Variants in AOAH observed in about 807,000 individuals in gnomAD.
The protein encoded by AOAH is acyloxyacyl hydrolase (neutrophil).
A neutral mutation model predicts 92.2 loss-of-function variants in AOAH; 64 were observed. The observed-to-expected ratio is 0.69, with a 90% confidence interval of 0.57 to 0.86. AOAH has a LOEUF of 0.86. Among genes scored for constraint, AOAH ranks in the 40% least tolerant of loss-of-function variants. The probability of loss-of-function intolerance (pLI) is 0.00; values close to 1 mark genes in which losing one functional copy is unlikely to be tolerated. For synonymous variants in AOAH, 263 were observed against 254.5 expected, an observed-to-expected ratio of 1.03 and a Z score of -0.32; for missense variants, 656 against 694.6, an observed-to-expected ratio of 0.94 and a Z score of 0.62.
intron 16 of AOAH, among the ~76,000 whole-genome samples, chr7:36,538,648 G>A (rs1785231246): frequency 6.6e-6 from 1 of 152,192 alleles, no homozygotes; most frequent in African/African-American, 2.4e-5. Context: ...GAAAGAATCA[G>A]TTGAGGGCAG....
intron 1 of AOAH, among the ~76,000 whole-genome samples, chr7:36,716,313 T>C (rs1194040198): frequency 2.6e-5 from 4 of 151,228 alleles, no homozygotes; most frequent in African/African-American, 9.8e-5. Flanking sequence ...CATTAAAAAG[T>C]CAGGAAACAA....
At chr7:36,580,291 T>C (rs1788843644) in intron 12 of AOAH, among the ~76,000 whole-genome samples, 1 of 152,206 alleles carries the variant, frequency 6.6e-6, no homozygotes, top group Non-Finnish European at 1.5e-5. Context: ...TTTTCTCCAT[T>C]TTCTGGATAA....
chr7:36,600,911 C>T (rs1790521858), intron 11 of AOAH, among the ~76,000 whole-genome samples: 1 of 152,174 alleles, frequency 6.6e-6, no homozygotes, highest in Admixed American at 6.5e-5. Context: ...GAGACCGTGT[C>T]TAATTTATGA....
rs1792497212 is a variant in AOAH, at chr7:36,624,531, C to A, written c.522-1281G>T. ...TATATTAGCTTCTATGGCTCTACAG[C>A]CTGTATTCTACTCTATACTTTTGGG... On this transcript the variant is annotated intron_variant, in intron 6 of 20. Transcript: ENST00000617537. Among the ~76,000 whole-genome samples the A allele has an allele frequency of 2.0e-5, 3 of 152,172 alleles. No homozygotes were observed. The South Asian group carries it at 6.2e-4, about 32-fold the overall frequency.
chr7:36,621,059 G>A (rs556272970), intron 8 of AOAH, among the ~76,000 whole-genome samples: 12 of 152,192 alleles, frequency 7.9e-5, no homozygotes, highest in East Asian at 5.8e-4. Flanking sequence ...CGGAAGCTCC[G>A]GACCAAATCC....
chr7:36,562,282 G>C (rs1477502674), intron 13 of AOAH, among the ~76,000 whole-genome samples: 1 of 151,990 alleles, frequency 6.6e-6, no homozygotes, highest in East Asian at 1.9e-4. Flanking sequence ...CTCCCCAGCT[G>C]CTTGCTGTTG....
At chr7:36,643,943 A>C (rs1446189309) in intron 4 of AOAH, among the ~76,000 whole-genome samples, 1 of 152,192 alleles carries the variant, frequency 6.6e-6, no homozygotes, top group African/African-American at 2.4e-5. Context: ...ACCGGCCTGC[A>C]GAATTATGAG....
intron 16 of AOAH, among the ~76,000 whole-genome samples, chr7:36,535,030 G>GTGTGTA (rs1157362467): frequency 8.0e-6 from 1 of 125,262 alleles, no homozygotes; most frequent in African/African-American, 3.3e-5. Flanking sequence ...GTGTCTGTGT[G>GTGTGTA]TGTGTCTGTG....
chr7:36,611,358 C>A (rs528725743), intron 11 of AOAH, among the ~76,000 whole-genome samples: 3 of 152,354 alleles, frequency 2.0e-5, no homozygotes, highest in Admixed American at 1.3e-4. Flanking sequence ...CCCATTCTCA[C>A]AGGCATTTCT....
intron 4 of AOAH, among the ~76,000 whole-genome samples, chr7:36,638,236 G>A (rs1031280999): frequency 3.3e-5 from 5 of 152,178 alleles, no homozygotes; most frequent in Non-Finnish European, 1.5e-5. Context: ...TGGCAGAGAG[G>A]CAATCTGAAC....
At chr7:36,652,988 T>C (rs933244524) in intron 4 of AOAH, among the ~76,000 whole-genome samples, 10 of 152,258 alleles carry the variant, frequency 6.6e-5, no homozygotes, top group Non-Finnish European at 1.3e-4. Flanking sequence ...TAATACTGAC[T>C]TCTTTAGTTT....
intron 5 of AOAH, among the ~76,000 whole-genome samples, chr7:36,636,366 A>G (rs1194182694): frequency 1.3e-5 from 2 of 151,640 alleles, no homozygotes; most frequent in Non-Finnish European, 2.9e-5. Context: ...GAAGTAAAAA[A>G]TTGTAAAATC....
intron 12 of AOAH, among the ~76,000 whole-genome samples, chr7:36,590,498 T>A (rs1054211729): frequency 6.6e-6 from 1 of 152,236 alleles, no homozygotes; most frequent in Non-Finnish European, 1.5e-5. Flanking sequence ...GTTTGTCATT[T>A]AATGCATGCA....
At chr7:36,539,832 T>C (rs779062284) in intron 16 of AOAH, among the ~76,000 whole-genome samples, 7 of 152,346 alleles carry the variant, frequency 4.6e-5, no homozygotes, top group Non-Finnish European at 7.3e-5. Context: ...GAGTTGCCAT[T>C]AGAAGGTTCC....
chr7:36,617,437 A>G (rs1583956089), intron 10 of AOAH, among the ~76,000 whole-genome samples: 1 of 152,334 alleles, frequency 6.6e-6, no homozygotes, highest in East Asian at 1.9e-4. Context: ...TACATTTTCT[A>G]TTCCTCTTCC....
At chr7:36,644,798 T>TTCACTTCACACA (rs548421833) in intron 4 of AOAH, among the ~76,000 whole-genome samples, 271 of 152,258 alleles carry the variant, frequency 1.8e-3, no homozygotes, top group African/African-American at 6.3e-3. Flanking sequence ...TGTGCCTTTG[T>TTCACTTCACACA]TCACTTCACA....
At chr7:36,556,507 G>A (rs1786726067) in intron 13 of AOAH, among the ~76,000 whole-genome samples, 1 of 151,542 alleles carries the variant, frequency 6.6e-6, no homozygotes, top group African/African-American at 2.4e-5. Context: ...GGTCCACTTG[G>A]TGCAGAGCTG....
chr7:36,699,150 C>A (rs1173758653), intron 1 of AOAH, among the ~76,000 whole-genome samples: 1 of 151,864 alleles, frequency 6.6e-6, no homozygotes, highest in Non-Finnish European at 1.5e-5. Context: ...TTCTTTATTG[C>A]GGTGGAATAA....
At chr7:36,555,407 T>C (rs1037873913) in intron 13 of AOAH, among the ~76,000 whole-genome samples, 10 of 152,212 alleles carry the variant, frequency 6.6e-5, no homozygotes, top group Non-Finnish European at 1.5e-4. Context: ...TTGAGGATTT[T>C]TGCATCAATG....
Sources: gnomAD v4.1 joint callset for allele counts (sites outside exome capture counted in the v4.1 genomes callset) on GRCh38, gnomAD v4.1.1 for gene constraint, MANE v1.5 for transcripts, NCBI Gene and HGNC (gene_info 2026-07-23, HGNC 2026-07-21) for gene names.